RAB23: variants seen among roughly 807,000 people sequenced by gnomAD.
RAB23 encodes ras-related protein Rab-23.
In RAB23, 15 loss-of-function variants were observed where a neutral mutation model predicts 30.0. The ratio of observed to expected loss-of-function variants is 0.50; its 90% CI spans 0.33 to 0.77. The LOEUF (loss-of-function observed/expected upper bound fraction) is 0.77, where lower values mean the gene tolerates loss of function less well. Among genes scored for constraint, RAB23 ranks in the 30% least tolerant of loss-of-function variants. The probability of loss-of-function intolerance (pLI) is 0.02; values close to 1 mark genes in which losing one functional copy is unlikely to be tolerated. For missense variants in RAB23, 243 were observed against 275.4 expected (o/e 0.88, Z 0.83); for synonymous variants, 93 against 94.0 (o/e 0.99, Z 0.06).
At chr6:57,197,323 T>A (rs1406759130) in intron 3 of RAB23, among the ~76,000 whole-genome samples, 1 of 152,128 alleles carries the variant, frequency 6.6e-6, no homozygotes, top group Non-Finnish European at 1.5e-5. Flanking sequence ...ATTTTAACCA[T>A]CAACTGTCAT....
In RAB23 at chr6:57,188,735, T is replaced by C. The variant is rs1451122160; in HGVS notation, c.*1726A>G. ...CATAAAAATAAGCATTTTACATTAC[T>C]GTGAAATAGATAATGCCAGATCATT... On this transcript the variant is annotated 3_prime_UTR_variant, in exon 7 of 7. Transcript: ENST00000468148. The C allele has an allele frequency of 6.6e-6, 1 of 152,206 alleles. No individual in the cohort carries two copies. Among genetic ancestry groups the C allele is most frequent in the African/African-American group, 2.4e-5 (1 of 41,466 alleles). The allele number at this position is 152,206 out of a possible 1,614,324, so 9.4% of individuals were successfully genotyped here. A position where few individuals can be genotyped will look rare whatever the true frequency, so the allele number is the denominator to read the frequency against.
intron 1 of RAB23, among the ~76,000 whole-genome samples, chr6:57,218,854 C>CAAAA (rs752945184): frequency 2.2e-5 from 2 of 89,744 alleles, no homozygotes; most frequent in Non-Finnish European, 4.6e-5. Context: ...ATTCTGTCTC[C>CAAAA]AAAAAAAAAA....
At chr6:57,193,062 C>G (rs574090376) in intron 6 of RAB23, among the ~76,000 whole-genome samples, 1 of 152,156 alleles carries the variant, frequency 6.6e-6, no homozygotes, top group South Asian at 2.1e-4. Flanking sequence ...CTTATTAAAG[C>G]TTTAATCAGT....
Position 57,188,998 on chromosome 6 carries a change from T to TAA in RAB23, c.*1461_*1462dup, listed in dbSNP as rs1036725311. 6.6e-6 allele frequency: 1 copy of TAA among 152,062 alleles called. No individual in the cohort carries two copies. The highest frequency in any genetic ancestry group is 2.4e-5 in the African/African-American group (1 of 41,366). The allele number at this position is 152,062 out of a possible 1,614,324, so 9.4% of individuals were successfully genotyped here. ...AAAATGACTTCATGACATTTTCCAA[T>TAA]AAAAGTTATTTTTACAGATTTTGCA... On this transcript the variant is annotated 3_prime_UTR_variant, in exon 7 of 7. Transcript: ENST00000468148.
chr6:57,200,591 C>A (rs1004201412), intron 3 of RAB23, among the ~76,000 whole-genome samples: 1 of 145,860 alleles, frequency 6.9e-6, no homozygotes, highest in African/African-American at 2.5e-5. Context: ...GTACTCCAAA[C>A]CCTTTCTCCT....
chr6:57,220,600 T>C (rs1312324938), intron 1 of RAB23, among the ~76,000 whole-genome samples: 2 of 152,162 alleles, frequency 1.3e-5, no homozygotes, highest in Non-Finnish European at 2.9e-5. Flanking sequence ...ATGAAACAAC[T>C]TGGAGAAATC....
chr6:57,191,526 C>T (rs1310763324), intron 6 of RAB23, among the ~76,000 whole-genome samples: 5 of 150,422 alleles, frequency 3.3e-5, no homozygotes, highest in East Asian at 2.0e-4. Flanking sequence ...TTTGGCTCAC[C>T]GCAACTTCCG....
At chr6:57,202,586 CATG>C (rs767368668) in intron 3 of RAB23, among the ~76,000 whole-genome samples, 46 of 152,146 alleles carry the variant, frequency 3.0e-4, no homozygotes, top group Non-Finnish European at 5.7e-4. Flanking sequence ...AGGAAATCAA[CATG>C]AGGAGGTACC....
chr6:57,197,610 G>GTA (rs1041197466), intron 3 of RAB23, among the ~76,000 whole-genome samples: 3 of 152,150 alleles, frequency 2.0e-5, no homozygotes, highest in Non-Finnish European at 4.4e-5. Flanking sequence ...AAACTAGTCT[G>GTA]TATATCTATA....
intron 6 of RAB23, among the ~76,000 whole-genome samples, chr6:57,193,195 C>T (rs1302008002): frequency 2.1e-5 from 3 of 143,374 alleles, no homozygotes; most frequent in Non-Finnish European, 4.6e-5. Flanking sequence ...ATGAAAATGG[C>T]AAAGGCAGAA....
Position 57,194,866 on chromosome 6 carries a change from TAA to T in RAB23, c.399-16_399-15del. On this transcript the variant is annotated splice_polypyrimidine_tract_variant and intron_variant, in intron 4 of 6. Transcript: ENST00000468148. ...TCAGCTTCCTCACTGCACATCAATT[TAA>T]AAAAAAATGCTTTACAAAGGTGCCT... 1 of 1,584,222 alleles carries T rather than the reference TAA, an allele frequency of 6.3e-7. No homozygotes were observed. The highest frequency in any genetic ancestry group is 8.6e-7 in the Non-Finnish European group (1 of 1,156,760).
intron 1 of RAB23, among the ~76,000 whole-genome samples, chr6:57,214,324 CT>C (rs938965045): frequency 6.6e-6 from 1 of 151,110 alleles, no homozygotes; most frequent in African/African-American, 2.4e-5. Flanking sequence ...CAGTTTCTTT[CT>C]TTTTTTTTAG....
intron 1 of RAB23, among the ~76,000 whole-genome samples, chr6:57,214,380 ACAC>A (rs2128006222): frequency 6.6e-6 from 1 of 152,138 alleles, no homozygotes; most frequent in East Asian, 1.9e-4. Context: ...AGTGGGGTGA[ACAC>A]AGCTCACTGC....
intron 1 of RAB23, among the ~76,000 whole-genome samples, chr6:57,211,475 T>G (rs1003182358): frequency 6.6e-6 from 1 of 151,492 alleles, no homozygotes; most frequent in Admixed American, 6.6e-5. Context: ...AAAATTAAAA[T>G]AAAATAAAAA....
rs1220978893 is a variant in RAB23, at chr6:57,193,946, A to C, written c.482-12T>G. On this transcript the variant is annotated splice_polypyrimidine_tract_variant and intron_variant, in intron 5 of 6. Transcript: ENST00000468148. Reference sequence around the variant, plus strand: ...CAAATACTTAAAAACTAGAATAAAAAGAAAACACCCAGAACCAGGTCAATG... The same window carrying C: ...CAAATACTTAAAAACTAGAATAAAACGAAAACACCCAGAACCAGGTCAATG... 1.2e-6 allele frequency: 2 copies of C among 1,609,396 alleles called. No individual in the cohort carries two copies. The highest frequency in any genetic ancestry group is 2.7e-5 in the African/African-American group (2 of 74,806).
chr6:57,194,559 T>C (rs1454966486), intron 5 of RAB23, among the ~76,000 whole-genome samples: 5 of 152,038 alleles, frequency 3.3e-5, no homozygotes, highest in Admixed American at 2.6e-4. Context: ...ATAATAAAAA[T>C]GGAAAACCTT....
chr6:57,198,998 G>C (rs1168073919), intron 3 of RAB23, among the ~76,000 whole-genome samples: 1 of 152,234 alleles, frequency 6.6e-6, no homozygotes, highest in African/African-American at 2.4e-5. Context: ...AATGGGTACA[G>C]ACCAGAGAAA....
At position 57,203,534 on chromosome 6, in the gene RAB23, T is replaced by C. The variant is rs538339580; in HGVS notation, c.241+4094A>G. Reference sequence around the variant, plus strand: ...AATGAAAATCTCAAGTAATCCTACTTCTTTCTGGTGTTTCCACATAGGTTT... The same window carrying C: ...AATGAAAATCTCAAGTAATCCTACTCCTTTCTGGTGTTTCCACATAGGTTT... On this transcript the variant is annotated intron_variant, in intron 3 of 6. Transcript: ENST00000468148. 3.9e-5 allele frequency among the ~76,000 whole-genome samples: 6 copies of C among 152,328 alleles called. No individual in the cohort carries two copies. The South Asian group carries it at 1.2e-3, about 32-fold the overall frequency.
chr6:57,210,514 A>C lies in RAB23; in HGVS notation c.-65-69T>G, dbSNP rs191305713. 273 of 1,016,994 alleles carry C rather than the reference A, an allele frequency of 2.7e-4. 1 individual carries two copies. In the African/African-American group the frequency reaches 3.5e-3, roughly 13 times the overall value. 63.0% of individuals were successfully genotyped at this position (1,016,994 alleles called of 1,614,324 possible). A position where few individuals can be genotyped will look rare whatever the true frequency, so the allele number is the denominator to read the frequency against. On this transcript the variant is annotated intron_variant, in intron 1 of 6. Coordinates refer to ENST00000468148, the MANE Select transcript of RAB23 (RefSeq NM_016277.5). ...ACAAAATAAACTAATTGTTTTATCA[A>C]GAAATTATCACATTGCATTGCAAGG... is the stretch of plus-strand genomic sequence containing the variant.
Sources: allele counts gnomAD v4.1 joint callset (sites outside exome capture counted in the v4.1 genomes callset), GRCh38; gene constraint gnomAD v4.1.1; transcripts MANE v1.5; gene names NCBI Gene and HGNC (gene_info 2026-07-23, HGNC 2026-07-21).